TENM2: variants seen among roughly 807,000 people sequenced by gnomAD.
The protein encoded by TENM2 is teneurin-2.
Under a neutral mutation model 245.2 loss-of-function variants are expected in TENM2, and 52 were observed. That is an observed-to-expected ratio of 0.21 (90% CI 0.17 to 0.27). The LOEUF is 0.27. Among genes scored for constraint, TENM2 ranks in the 10% least tolerant of loss-of-function variants. The pLI is 1.00. For missense variants in TENM2, 3,046 were observed against 3,666.8 expected (o/e 0.83, Z 4.37); for synonymous variants, 1,363 against 1,438.9 (o/e 0.95, Z 1.19).
intron 2 of TENM2, chr5:167,653,981 A>C (rs925588850): frequency 1.3e-5 from 2 of 152,156 alleles, no homozygotes; most frequent in African/African-American, 4.8e-5. Context: ...CTCTCCTCCA[A>C]ATCAAGTCAC....
intron 27 of TENM2, among the ~76,000 whole-genome samples, chr5:168,253,416 C>G (rs1248574366): frequency 6.8e-6 from 1 of 146,438 alleles, no homozygotes; most frequent in Admixed American, 7.1e-5. Context: ...CTAATAAATG[C>G]ATTCATTATT....
At chr5:167,760,423 T>A (rs1762586450) in intron 2 of TENM2, among the ~76,000 whole-genome samples, 4 of 152,210 alleles carry the variant, frequency 2.6e-5, no homozygotes, top group Non-Finnish European at 4.4e-5. Flanking sequence ...CTCTGTGGCC[T>A]CTGTGAGTTA....
Position 167,993,189 on chromosome 5 carries a change from C to A in TENM2, c.1186+7C>A. 6.2e-7 allele frequency: 1 copy of A among 1,611,662 alleles called. No individual in the cohort carries two copies. Among genetic ancestry groups the A allele is most frequent in the South Asian group, 1.1e-5 (1 of 90,948 alleles). The stretch of plus-strand genomic sequence containing the variant: ...TTGCTGGCGTATTTCATAGGTAAGT[C>A]AGGGCAGCCTTATTCAGCAACGCTG... On this transcript the variant is annotated splice_region_variant and intron_variant, in intron 5 of 28. Transcript: ENST00000518659.
chr5:167,304,759 GT>G (rs1460704870), intron 1 of TENM2, among the ~76,000 whole-genome samples: 1 of 151,908 alleles, frequency 6.6e-6, no homozygotes, highest in Non-Finnish European at 1.5e-5. Flanking sequence ...GAATTTTTTT[GT>G]TGCTGTTATT....
chr5:167,307,292 ACTGTTT>A (rs1755736054), intron 1 of TENM2, among the ~76,000 whole-genome samples: 1 of 151,992 alleles, frequency 6.6e-6, no homozygotes, highest in Non-Finnish European at 1.5e-5. Context: ...GCGATTTTTG[ACTGTTT>A]ATCTCTAATG....
the TENM2 span, among the ~76,000 whole-genome samples, chr5:167,227,016 C>A: frequency 6.6e-6 from 1 of 151,714 alleles, no homozygotes; most frequent in South Asian, 2.1e-4. Context: ...TTAAGTATAG[C>A]TGCTCTTGCT....
the TENM2 span, among the ~76,000 whole-genome samples, chr5:167,064,793 A>G: frequency 1.3e-5 from 2 of 152,360 alleles, no homozygotes; most frequent in East Asian, 3.9e-4. Flanking sequence ...TGTTTTGCAC[A>G]TTACAAATAG....
At chr5:167,122,963 C>T in the TENM2 span, among the ~76,000 whole-genome samples, 1 of 152,040 alleles carries the variant, frequency 6.6e-6, no homozygotes. Context: ...ATACGATTAT[C>T]ATCTTCAGAA....
intron 2 of TENM2, among the ~76,000 whole-genome samples, chr5:167,597,731 TCTTA>T (rs1371712026): frequency 8.3e-6 from 1 of 120,480 alleles, no homozygotes; most frequent in Non-Finnish European, 2.0e-5. Flanking sequence ...CTGAATGCTA[TCTTA>T]CTTTCAAACT....
the TENM2 span, among the ~76,000 whole-genome samples, chr5:166,987,428 TG>T: frequency 6.6e-6 from 1 of 151,398 alleles, no homozygotes; most frequent in African/African-American, 2.4e-5. Context: ...AGGGTGTGTG[TG>T]TGTGTGTGTG....
intron 2 of TENM2, among the ~76,000 whole-genome samples, chr5:167,675,889 T>G (rs940778796): frequency 1.3e-5 from 2 of 152,056 alleles, no homozygotes; most frequent in Non-Finnish European, 2.9e-5. Flanking sequence ...TTCCCTCCAT[T>G]TTCCCATGTT....
intron 2 of TENM2, among the ~76,000 whole-genome samples, chr5:167,822,389 A>G (rs1359121553): frequency 2.0e-5 from 3 of 152,234 alleles, no homozygotes; most frequent in Non-Finnish European, 4.4e-5. Flanking sequence ...GAAATGCAAT[A>G]CTTCTATTAA....
At chr5:167,806,499 C>T (rs755261624) in intron 2 of TENM2, among the ~76,000 whole-genome samples, 12 of 152,082 alleles carry the variant, frequency 7.9e-5, no homozygotes, top group Non-Finnish European at 1.5e-4. Context: ...CCTTCTCTCC[C>T]GTGTTACCTT....
the TENM2 span, among the ~76,000 whole-genome samples, chr5:167,214,799 A>G: frequency 6.6e-6 from 1 of 152,200 alleles, no homozygotes; most frequent in Non-Finnish European, 1.5e-5. Context: ...ACTTAGCAGC[A>G]GACAGATTTG....
intron 7 of TENM2, among the ~76,000 whole-genome samples, chr5:168,088,664 T>A (rs1792667125): frequency 6.6e-6 from 1 of 152,178 alleles, no homozygotes. Context: ...ATGTTAGGTG[T>A]GATTATTCCC....
chr5:167,891,887 G>A (rs920339567), intron 3 of TENM2, among the ~76,000 whole-genome samples: 1 of 152,116 alleles, frequency 6.6e-6, no homozygotes, highest in Non-Finnish European at 1.5e-5. Flanking sequence ...CCTCACAGCA[G>A]CACAGGCTCA....
intron 12 of TENM2, among the ~76,000 whole-genome samples, chr5:168,154,107 G>A (rs1756895975): frequency 1.5e-5 from 2 of 129,086 alleles, no homozygotes; most frequent in African/African-American, 3.1e-5. Flanking sequence ...TTTGGTTACT[G>A]TTGCCTAAAT....
At chr5:167,403,212 A>G (rs1762455953) in intron 2 of TENM2, among the ~76,000 whole-genome samples, 1 of 152,054 alleles carries the variant, frequency 6.6e-6, no homozygotes, top group South Asian at 2.1e-4. Context: ...CCTGATATTG[A>G]GAGAATAATA....
chr5:167,266,066 G>T, the TENM2 span, among the ~76,000 whole-genome samples: 2 of 152,260 alleles, frequency 1.3e-5, no homozygotes, highest in East Asian at 3.9e-4. Flanking sequence ...ACTCAATAAA[G>T]TCAAGTCCCA....
Sources: allele counts gnomAD v4.1 joint callset (sites outside exome capture counted in the v4.1 genomes callset), GRCh38; gene constraint gnomAD v4.1.1; transcripts MANE v1.5; gene names NCBI Gene and HGNC (gene_info 2026-07-23, HGNC 2026-07-21).